Variants in SEMA3A observed in about 807,000 individuals in gnomAD.
SEMA3A encodes semaphorin 3A, also known as semaphorin-3A.
SEMA3A carries 29 observed loss-of-function variants against 97.9 expected under a neutral mutation model. That is an observed-to-expected ratio of 0.30 (90% CI 0.22 to 0.40). The LOEUF is 0.40. Among genes scored for constraint, SEMA3A ranks in the 10% least tolerant of loss-of-function variants. The pLI, the probability that SEMA3A is intolerant of heterozygous loss-of-function variation, is 1.00. For synonymous variants in SEMA3A, 321 were observed against 323.7 expected (o/e 0.99, Z 0.09); for missense variants, 763 against 951.3 (o/e 0.80, Z 2.60).
intron 2 of SEMA3A, among the ~76,000 whole-genome samples, chr7:84,312,921 T>TAC (rs1323561552): frequency 0.029 from 952 of 32,646 alleles, 53 homozygotes; most frequent in African/African-American, 0.057. Flanking sequence ...TATATATATA[T>TAC]ACACACACAC....
At chr7:84,052,073 G>A (rs1405242941) in intron 5 of SEMA3A, among the ~76,000 whole-genome samples, 1 of 152,126 alleles carries the variant, frequency 6.6e-6, no homozygotes, top group Admixed American at 6.6e-5. Context: ...ACTTGATCAT[G>A]GCGGATAAGC....
chr7:84,491,663 G>A (rs370428911), intron 1 of SEMA3A, among the ~76,000 whole-genome samples: 1 of 152,024 alleles, frequency 6.6e-6, no homozygotes, highest in South Asian at 2.1e-4. Context: ...TCAGAGTAGG[G>A]GGCTCAAGGA....
intron 2 of SEMA3A, among the ~76,000 whole-genome samples, chr7:84,353,202 G>A (rs1379561266): frequency 6.6e-6 from 1 of 151,698 alleles, no homozygotes; most frequent in East Asian, 1.9e-4. Context: ...TGCAAGTTCA[G>A]TGCAGACATA....
At chr7:84,392,389 T>C (rs1210077186) in intron 1 of SEMA3A, among the ~76,000 whole-genome samples, 1 of 152,196 alleles carries the variant, frequency 6.6e-6, no homozygotes, top group Non-Finnish European at 1.5e-5. Flanking sequence ...TTGTTGCAAA[T>C]GATAAGGTAT....
At chr7:84,406,705 G>A (rs1191955288) in intron 1 of SEMA3A, among the ~76,000 whole-genome samples, 1 of 152,152 alleles carries the variant, frequency 6.6e-6, no homozygotes, top group African/African-American at 2.4e-5. Context: ...TATCCACCAT[G>A]ATCAAGTGGG....
chr7:84,388,108 C>T (rs1200957634), intron 1 of SEMA3A, among the ~76,000 whole-genome samples: 1 of 152,102 alleles, frequency 6.6e-6, no homozygotes, highest in Non-Finnish European at 1.5e-5. Flanking sequence ...TATATAAATA[C>T]ACACACACAA....
chr7:84,400,237 T>A (rs1803864063), intron 1 of SEMA3A, among the ~76,000 whole-genome samples: 1 of 152,070 alleles, frequency 6.6e-6, no homozygotes, highest in Non-Finnish European at 1.5e-5. Flanking sequence ...CATCAATGAA[T>A]GTCCACAAGC....
At chr7:84,028,911 GCCTGAC>G (rs1791643440) in intron 6 of SEMA3A, among the ~76,000 whole-genome samples, 1 of 152,166 alleles carries the variant, frequency 6.6e-6, no homozygotes, top group Non-Finnish European at 1.5e-5. Flanking sequence ...GAGCCACAGT[GCCTGAC>G]CATAAGGTTT....
intron 1 of SEMA3A, among the ~76,000 whole-genome samples, chr7:84,166,005 G>A (rs1797194508): frequency 2.0e-5 from 3 of 152,188 alleles, no homozygotes; most frequent in African/African-American, 7.2e-5. Context: ...AGGTGAGGTG[G>A]TTCATGCCTA....
chr7:83,991,531 G>T lies in SEMA3A; in HGVS notation c.1453-6054C>A, dbSNP rs545094430. ...TTTATTGAGAGTTTTTAGCATGAAG[G>T]GTTGTTGAATTTTGTCAAAGGCTTT... is the stretch of plus-strand genomic sequence containing the variant. On this transcript the variant is annotated intron_variant, in intron 12 of 16. Coordinates refer to ENST00000265362, the MANE Select transcript of SEMA3A (RefSeq NM_006080.3). Among the ~76,000 whole-genome samples the T allele has an allele frequency of 2.1e-4, 32 of 151,732 alleles. 1 individual carries two copies. Among genetic ancestry groups the T allele is most frequent in the African/African-American group, 6.3e-4 (26 of 41,320 alleles).
At chr7:84,216,585 G>T (rs1039128719) in intron 3 of SEMA3A, among the ~76,000 whole-genome samples, 4 of 152,042 alleles carry the variant, frequency 2.6e-5, no homozygotes, top group Non-Finnish European at 5.9e-5. Context: ...CTCAAGTTAT[G>T]CCACTGAAAA....
intron 2 of SEMA3A, among the ~76,000 whole-genome samples, chr7:84,362,432 G>T (rs1802748809): frequency 6.6e-6 from 1 of 151,828 alleles, no homozygotes; most frequent in East Asian, 1.9e-4. Flanking sequence ...CGTCAATATT[G>T]GAAGACATTT....
At chr7:83,961,973 C>A in intron 16 of SEMA3A, 147 bp from the exon 17 acceptor site, 1 of 558,250 alleles carries the variant, frequency 1.8e-6, no homozygotes, top group East Asian at 3.0e-5. Flanking sequence ...GAAGTGATAG[C>A]ATTTTCCCAT....
At chr7:84,089,985 A>C (rs1794512091) in intron 4 of SEMA3A, among the ~76,000 whole-genome samples, 1 of 152,038 alleles carries the variant, frequency 6.6e-6, no homozygotes, top group African/African-American at 2.4e-5. Context: ...TACTATTATT[A>C]TATGATGGAT....
At chr7:84,457,592 G>A (rs1805717016) in intron 1 of SEMA3A, among the ~76,000 whole-genome samples, 2 of 151,920 alleles carry the variant, frequency 1.3e-5, no homozygotes, top group South Asian at 2.1e-4. Flanking sequence ...ATTTTGTTCA[G>A]ATGAGGCATT....
intron 1 of SEMA3A, among the ~76,000 whole-genome samples, chr7:84,145,670 A>G (rs1796442938): frequency 6.6e-6 from 1 of 152,204 alleles, no homozygotes; most frequent in Admixed American, 6.5e-5. Flanking sequence ...ACATACAATA[A>G]TCACATGAAT....
chr7:84,427,417 G>A (rs1370836969), intron 1 of SEMA3A, among the ~76,000 whole-genome samples: 1 of 152,012 alleles, frequency 6.6e-6, no homozygotes, highest in Non-Finnish European at 1.5e-5. Flanking sequence ...GGGAGGCTGA[G>A]GCGGGTAGAT....
intron 1 of SEMA3A, among the ~76,000 whole-genome samples, chr7:84,427,699 G>A (rs1180433983): frequency 1.6e-5 from 2 of 124,318 alleles, no homozygotes; most frequent in African/African-American, 6.0e-5. Context: ...ACAATTAATA[G>A]TTTTTTTATG....
chr7:84,286,715 A>G (rs1187873863), intron 3 of SEMA3A, among the ~76,000 whole-genome samples: 3 of 152,104 alleles, frequency 2.0e-5, no homozygotes, highest in African/African-American at 7.2e-5. Context: ...CCCACCAAAA[A>G]AAACCCCTTT....
Sources: gnomAD v4.1 joint callset for allele counts (sites outside exome capture counted in the v4.1 genomes callset) on GRCh38, gnomAD v4.1.1 for gene constraint, MANE v1.5 for transcripts, NCBI Gene and HGNC (gene_info 2026-07-23, HGNC 2026-07-21) for gene names.